Variants in L3MBTL4 observed in about 807,000 individuals in gnomAD.
L3MBTL4 encodes the protein L3MBTL histone methyl-lysine binding protein 4, also known as lethal(3)malignant brain tumor-like protein 4.
Under a neutral mutation model 84.5 loss-of-function variants are expected in L3MBTL4, and 70 were observed. The observed-to-expected ratio is 0.83, with a 90% CI of 0.68 to 1.01. L3MBTL4 has a LOEUF of 1.01. Ranked by LOEUF, L3MBTL4 falls within the 50% of genes least tolerant of loss-of-function variation. The pLI is 0.00. For synonymous variants in L3MBTL4, 274 were observed against 259.8 expected, an observed-to-expected ratio of 1.05 and a Z score of -0.52; for missense variants, 715 against 754.8, an observed-to-expected ratio of 0.95 and a Z score of 0.62.
intron 3 of L3MBTL4, 58 bp from the exon 4 acceptor site, chr18:6,302,015 A>G (rs1758947278): frequency 2.3e-6 from 3 of 1,325,938 alleles, no homozygotes; most frequent in Non-Finnish European, 3.3e-6. Flanking sequence ...GGAAACACTG[A>G]AAACTAATGT....
At chr18:6,332,756 A>T (rs1415653593) in intron 1 of L3MBTL4, among the ~76,000 whole-genome samples, 2 of 152,180 alleles carry the variant, frequency 1.3e-5, no homozygotes, top group Non-Finnish European at 2.9e-5. Context: ...GTCCAGCTCC[A>T]CCCCAGTACT....
intron 12 of L3MBTL4, among the ~76,000 whole-genome samples, chr18:6,199,841 A>T (rs1290100498): frequency 4.6e-5 from 7 of 152,254 alleles, no homozygotes; most frequent in African/African-American, 1.4e-4. Flanking sequence ...CTTACGGGTG[A>T]TAGCAGAGAA....
At chr18:6,026,392 T>C (rs914129658) in intron 16 of L3MBTL4, among the ~76,000 whole-genome samples, 26 of 152,236 alleles carry the variant, frequency 1.7e-4, no homozygotes, top group Non-Finnish European at 2.2e-4. Context: ...TGTATTTGTA[T>C]TATTCAACAT....
intron 16 of L3MBTL4, among the ~76,000 whole-genome samples, chr18:6,075,876 A>C (rs1169858788): frequency 1.3e-5 from 2 of 152,206 alleles, no homozygotes; most frequent in African/African-American, 2.4e-5. Flanking sequence ...AATAGCCAAT[A>C]AACATGAAAA....
chr18:6,118,737 C>G (rs1229270286), intron 14 of L3MBTL4, among the ~76,000 whole-genome samples: 1 of 152,126 alleles, frequency 6.6e-6, no homozygotes, highest in Admixed American at 6.6e-5. Flanking sequence ...TCAGAAGAAA[C>G]CCTTAAAAAC....
At chr18:6,186,571 G>A (rs959118737) in intron 12 of L3MBTL4, among the ~76,000 whole-genome samples, 7 of 152,182 alleles carry the variant, frequency 4.6e-5, no homozygotes, top group Admixed American at 3.9e-4. Context: ...CAGTAAGCAT[G>A]GGAAAGCAGG....
intron 4 of L3MBTL4, among the ~76,000 whole-genome samples, chr18:6,296,949 C>T (rs533285018): frequency 2.0e-5 from 3 of 151,860 alleles, no homozygotes; most frequent in Non-Finnish European, 4.4e-5. Flanking sequence ...TGCTACAGGA[C>T]GAGGGATTAT....
intron 1 of L3MBTL4, among the ~76,000 whole-genome samples, chr18:6,364,505 CAG>C (rs1457944493): frequency 2.0e-5 from 3 of 152,012 alleles, no homozygotes; most frequent in Non-Finnish European, 4.4e-5. Flanking sequence ...CTATAGAGAA[CAG>C]AGAGTCCACA....
chr18:5,999,053 C>T (rs1473794241), intron 16 of L3MBTL4, among the ~76,000 whole-genome samples: 1 of 152,232 alleles, frequency 6.6e-6, no homozygotes, highest in Non-Finnish European at 1.5e-5. Flanking sequence ...CACTCTTTAG[C>T]ATGGTGTCCA....
chr18:6,116,456 C>T (rs2059364079), intron 14 of L3MBTL4, among the ~76,000 whole-genome samples: 3 of 151,234 alleles, frequency 2.0e-5, no homozygotes, highest in South Asian at 4.2e-4. Flanking sequence ...CTCCGCCTCC[C>T]GGGTTCAAGC....
intron 1 of L3MBTL4, among the ~76,000 whole-genome samples, chr18:6,413,559 T>C (rs1206354005): frequency 4.6e-5 from 7 of 152,144 alleles, no homozygotes; most frequent in Non-Finnish European, 1.0e-4. Context: ...CACCTTAACC[T>C]TTTTAGGTGG....
intron 16 of L3MBTL4, among the ~76,000 whole-genome samples, chr18:5,972,758 A>G (rs2052700246): frequency 6.6e-6 from 1 of 152,064 alleles, no homozygotes; most frequent in African/African-American, 2.4e-5. Flanking sequence ...TGATCTCCCT[A>G]CATAATAGCT....
chr18:6,409,688 G>T (rs999263917), intron 1 of L3MBTL4, among the ~76,000 whole-genome samples: 1 of 152,100 alleles, frequency 6.6e-6, no homozygotes. Context: ...CACCGAAAAG[G>T]GGAAAAGCCC....
intron 14 of L3MBTL4, among the ~76,000 whole-genome samples, chr18:6,115,115 A>G (rs1264766204): frequency 6.6e-6 from 1 of 152,214 alleles, no homozygotes; most frequent in Non-Finnish European, 1.5e-5. Flanking sequence ...CGTGTAGCAC[A>G]TTCCAGAGCT....
At chr18:6,275,809 T>C (rs935628029) in intron 4 of L3MBTL4, among the ~76,000 whole-genome samples, 9 of 152,198 alleles carry the variant, frequency 5.9e-5, no homozygotes, top group African/African-American at 1.4e-4. Flanking sequence ...GAGGTGCTCA[T>C]TGGTTCAGCC....
At chr18:6,367,010 G>A (rs2053963948) in intron 1 of L3MBTL4, among the ~76,000 whole-genome samples, 1 of 152,208 alleles carries the variant, frequency 6.6e-6, no homozygotes, top group Non-Finnish European at 1.5e-5. Context: ...CAAAACACAA[G>A]TCCCTAGGAA....
chr18:6,069,718 C>T (rs1298881164), intron 16 of L3MBTL4, among the ~76,000 whole-genome samples: 1 of 152,130 alleles, frequency 6.6e-6, no homozygotes, highest in Non-Finnish European at 1.5e-5. Flanking sequence ...GTAAGCCTCA[C>T]CCAGCTCCCA....
At chr18:6,085,536 G>T (rs931102435) in intron 15 of L3MBTL4, among the ~76,000 whole-genome samples, 3 of 152,146 alleles carry the variant, frequency 2.0e-5, no homozygotes, top group Non-Finnish European at 4.4e-5. Context: ...CTAAATCATG[G>T]GGGCAGTTTC....
chr18:6,170,914 A>G (rs1231816282), intron 13 of L3MBTL4, among the ~76,000 whole-genome samples: 4 of 152,158 alleles, frequency 2.6e-5, no homozygotes, highest in Non-Finnish European at 5.9e-5. Context: ...CTCTTAGGGT[A>G]CTGGTCCTAT....
Sources: gnomAD v4.1 joint callset for allele counts (sites outside exome capture counted in the v4.1 genomes callset) on GRCh38, gnomAD v4.1.1 for gene constraint, MANE v1.5 for transcripts, NCBI Gene and HGNC (gene_info 2026-07-23, HGNC 2026-07-21) for gene names.